The following TSPAN12 variants were observed in gnomAD, a reference collection of about 807,000 sequenced individuals.
TSPAN12 encodes tetraspanin 12, also known as tetraspanin-12.
TSPAN12 carries 19 observed loss-of-function variants against 39.2 expected under a neutral mutation model. That is an observed-to-expected ratio of 0.49 (90% CI 0.34 to 0.71). TSPAN12 has a LOEUF of 0.71. Ranked by LOEUF, TSPAN12 falls within the 30% of genes least tolerant of loss-of-function variation. The probability of loss-of-function intolerance (pLI) is 0.01; values close to 1 mark genes in which losing one functional copy is unlikely to be tolerated. For synonymous variants in TSPAN12, 119 were observed against 124.8 expected (o/e 0.95, Z 0.31); for missense variants, 314 against 359.9 (o/e 0.87, Z 1.03).
At chr7:120,836,944 G>A (rs1794487845) in intron 4 of TSPAN12, among the ~76,000 whole-genome samples, 1 of 152,102 alleles carries the variant, frequency 6.6e-6, no homozygotes, top group African/African-American at 2.4e-5. Flanking sequence ...GACCCTACTT[G>A]CCCTGCCTCC....
chr7:120,829,658 AT>A lies in TSPAN12; in HGVS notation c.285+9118del. 2.0e-5 allele frequency among the ~76,000 whole-genome samples: 3 copies of A among 152,332 alleles called. No homozygotes were observed. In the South Asian group the frequency reaches 6.2e-4, roughly 32 times the overall value. On this transcript the variant is annotated intron_variant, in intron 4 of 7. Transcript: ENST00000222747. ...CTCTCCTCAAGGAAGCATTCGCTGAATTGGTGACCAGTATTCACAGGTGGAA... is the reference window on the plus strand; with the variant it reads ...CTCTCCTCAAGGAAGCATTCGCTGAATGGTGACCAGTATTCACAGGTGGAA...
rs773117827 is a variant in TSPAN12, at chr7:120,788,820, A to T, written c.690T>A (p.Ile230=). The T allele has an allele frequency of 6.2e-7, 1 of 1,614,146 alleles. No individual in the cohort carries two copies. Among genetic ancestry groups the T allele is most frequent in the Admixed American group, 1.7e-5 (1 of 60,020 alleles). ...LQVLRFLGIS[I]GVTQILAMIL... The stretch of plus-strand genomic sequence containing the variant: ...TCATGGCCAGGATTTGTGTCACCCC[A>T]ATGGAGATTCCCAGAAACCTCAGCA... Residue 230 remains isoleucine, a synonymous_variant, in exon 8 of 8, where the codon ATT becomes ATA. Transcript: ENST00000222747.
chr7:120,789,743 T>C (rs193186405), intron 7 of TSPAN12, among the ~76,000 whole-genome samples: 26 of 152,282 alleles, frequency 1.7e-4, no homozygotes, highest in African/African-American at 5.3e-4. Context: ...AAATCATTAA[T>C]AGAACTGCCT....
chr7:120,829,016 T>C (rs1033872716), intron 4 of TSPAN12, among the ~76,000 whole-genome samples: 1 of 152,204 alleles, frequency 6.6e-6, no homozygotes, highest in African/African-American at 2.4e-5. Context: ...TTGTTGTTTC[T>C]AAAGTTTAAA....
chr7:120,831,325 C>G (rs1021965771), intron 4 of TSPAN12, among the ~76,000 whole-genome samples: 5 of 151,878 alleles, frequency 3.3e-5, no homozygotes, highest in Non-Finnish European at 7.4e-5. Context: ...ATAGGAATGC[C>G]ACAGAGATAT....
intron 4 of TSPAN12, among the ~76,000 whole-genome samples, chr7:120,831,223 G>A (rs1318454100): frequency 2.6e-5 from 4 of 152,006 alleles, no homozygotes; most frequent in Non-Finnish European, 4.4e-5. Context: ...CAGCCATTAT[G>A]GAGAGCAGTA....
At chr7:120,854,687 G>A (rs1299172170) in intron 2 of TSPAN12, among the ~76,000 whole-genome samples, 3 of 152,236 alleles carry the variant, frequency 2.0e-5, no homozygotes, top group Admixed American at 1.3e-4. Flanking sequence ...ACCCAAATGA[G>A]AAACTAATTT....
chr7:120,804,074 G>C (rs548929765), intron 7 of TSPAN12, among the ~76,000 whole-genome samples: 1 of 152,012 alleles, frequency 6.6e-6, no homozygotes, highest in Non-Finnish European at 1.5e-5. Context: ...CACTAAAGCA[G>C]ATACAAATTA....
chr7:120,830,663 T>C (rs1178565315), intron 4 of TSPAN12, among the ~76,000 whole-genome samples: 4 of 152,066 alleles, frequency 2.6e-5, no homozygotes, highest in South Asian at 2.1e-4. Context: ...TTTAAAGATT[T>C]AAATGTAAGA....
chr7:120,797,927 A>T (rs1288451336), intron 7 of TSPAN12, among the ~76,000 whole-genome samples: 1 of 152,174 alleles, frequency 6.6e-6, no homozygotes, highest in African/African-American at 2.4e-5. Context: ...ACCTCAACTC[A>T]TTCTCTACAA....
Position 120,810,456 on chromosome 7 carries a change from C to T in TSPAN12, c.468+7G>A. ...ACTCTCTCTACCTCAGAAATTGTAGCACTTACCTCTCTCTGAAAAAAATTC... is the reference window on the plus strand; with the variant it reads ...ACTCTCTCTACCTCAGAAATTGTAGTACTTACCTCTCTCTGAAAAAAATTC... On this transcript the variant is annotated splice_region_variant and intron_variant, in intron 6 of 7. Transcript: ENST00000222747. 1 of 1,559,148 alleles carries T rather than the reference C, an allele frequency of 6.4e-7. No homozygotes were observed. The highest frequency in any genetic ancestry group is 1.4e-5 in the African/African-American group (1 of 74,000).
intron 4 of TSPAN12, among the ~76,000 whole-genome samples, chr7:120,826,184 TTTC>T (rs1399661651): frequency 4.6e-5 from 7 of 152,224 alleles, no homozygotes; most frequent in African/African-American, 1.7e-4. Context: ...GCTGAGCTAA[TTTC>T]TTATTAAAGA....
At chr7:120,792,673 T>A (rs556486621) in intron 7 of TSPAN12, among the ~76,000 whole-genome samples, 10 of 152,302 alleles carry the variant, frequency 6.6e-5, no homozygotes, top group African/African-American at 2.4e-4. Flanking sequence ...CTAAGCTAAC[T>A]GAGTAGAAAC....
chr7:120,821,116 T>C (rs951121252), intron 4 of TSPAN12, among the ~76,000 whole-genome samples: 7 of 152,142 alleles, frequency 4.6e-5, no homozygotes, highest in South Asian at 4.1e-4. Context: ...TTATAAAGTA[T>C]TTTACTTGCT....
At chr7:120,833,360 C>G (rs1180985752) in intron 4 of TSPAN12, among the ~76,000 whole-genome samples, 1 of 151,642 alleles carries the variant, frequency 6.6e-6, no homozygotes, top group East Asian at 1.9e-4. Context: ...TCAATTACTA[C>G]TTAAATATAT....
intron 2 of TSPAN12, among the ~76,000 whole-genome samples, chr7:120,851,850 G>C (rs1284915976): frequency 6.6e-6 from 1 of 152,070 alleles, no homozygotes. Flanking sequence ...GACAAACCTA[G>C]AAGGCCCAAT....
intron 7 of TSPAN12, among the ~76,000 whole-genome samples, chr7:120,799,813 T>A (rs1396607129): frequency 7.2e-6 from 1 of 138,028 alleles, no homozygotes; most frequent in East Asian, 2.0e-4. Flanking sequence ...ATTTATTATA[T>A]TTATTTTAAT....
rs34604491 is a variant in TSPAN12, at chr7:120,841,633, A to ATTGT, written c.67-1525_67-1524insACAA. On this transcript the variant is annotated intron_variant, in intron 2 of 7. Transcript: ENST00000222747. ...TTGATTATTTTAGGTATGAGAATAT[A>ATTGT]TTATTTTTTAAAAGGTCTTTATTTT... 1.1e-3 allele frequency among the ~76,000 whole-genome samples: 172 copies of ATTGT among 152,232 alleles called. 1 individual carries two copies. The highest frequency in any genetic ancestry group is 3.9e-3 in the African/African-American group (161 of 41,564).
At chr7:120,853,324 C>T (rs1418160867) in intron 2 of TSPAN12, among the ~76,000 whole-genome samples, 1 of 151,614 alleles carries the variant, frequency 6.6e-6, no homozygotes, top group Non-Finnish European at 1.5e-5. Context: ...AATCTCTTGA[C>T]CTCATTAACC....
Sources: gnomAD v4.1 joint callset for allele counts (sites outside exome capture counted in the v4.1 genomes callset) on GRCh38, gnomAD v4.1.1 for gene constraint, MANE v1.5 for transcripts, NCBI Gene and HGNC (gene_info 2026-07-23, HGNC 2026-07-21) for gene names.